The following CNTNAP2 variants were observed in gnomAD, a reference collection of about 807,000 sequenced individuals.
The protein encoded by CNTNAP2 is contactin associated protein 2.
In CNTNAP2, 98 loss-of-function variants were observed where a neutral mutation model predicts 155.2. The ratio of observed to expected loss-of-function variants is 0.63; its 90% CI spans 0.54 to 0.75. The LOEUF (loss-of-function observed/expected upper bound fraction) is 0.75, where lower values mean the gene tolerates loss of function less well. Among genes scored for constraint, CNTNAP2 ranks in the 30% least tolerant of loss-of-function variants. The pLI is 0.00. For missense variants in CNTNAP2, 1,727 were observed against 1,688.1 expected, an observed-to-expected ratio of 1.02 and a Z score of -0.40; for synonymous variants, 651 against 631.2, an observed-to-expected ratio of 1.03 and a Z score of -0.47.
rs143057439 is a variant in CNTNAP2 at position 147,796,913 on chromosome 7, T to C, written c.2099-106652T>C. On this transcript the variant is annotated intron_variant, in intron 13 of 23. Transcript: ENST00000361727. ...CCGTTTTTTTGTCTCATTCATTCTC[T>C]TTATTACCATTAACAAAGAGTGGGT... Among the ~76,000 whole-genome samples the C allele has an allele frequency of 4.7e-3, 719 of 152,330 alleles. 6 individuals carry two copies. Among genetic ancestry groups the C allele is most frequent in the African/African-American group, 0.016 (677 of 41,568 alleles).
intron 14 of CNTNAP2, among the ~76,000 whole-genome samples, chr7:147,977,503 T>C (rs534243718): frequency 2.0e-5 from 3 of 152,142 alleles, no homozygotes; most frequent in Non-Finnish European, 4.4e-5. Context: ...AGCGACCAGG[T>C]TGACTTTGTT....
At chr7:148,277,586 A>ACCCCCCCCCCCCCCCCCCCCCCCCCC (rs147409823) in intron 21 of CNTNAP2, among the ~76,000 whole-genome samples, 3 of 140,184 alleles carry the variant, frequency 2.1e-5, no homozygotes, top group Admixed American at 7.3e-5. Context: ...TTAGTACAGG[A>ACCCCCCCCCCCCCCCCCCCCCCCCCC]CCGCCCCCCA....
In CNTNAP2 at chr7:147,128,766, A is replaced by G; in HGVS notation, c.1013A>G (p.Glu338Gly). Reference sequence around the variant, plus strand: ...AGAAAGAATTTCAAAGGCTGCATGGAAAGCATCAACTACAATGGCGTCAAC... The same window carrying G: ...AGAAAGAATTTCAAAGGCTGCATGGGAAGCATCAACTACAATGGCGTCAAC... ...SSRKNFKGCM[E>G]SINYNGVNIT... is the part of the protein sequence containing the mutation. The change falls in exon 7 of 24, where the codon GAA becomes GGA. Residue 338 changes from glutamate (E) to glycine (G), a missense_variant. Transcript: ENST00000361727. The G allele has an allele frequency of 6.2e-7, 1 of 1,614,120 alleles. No homozygotes were observed. The highest frequency in any genetic ancestry group is 8.5e-7 in the Non-Finnish European group (1 of 1,179,968).
At chr7:147,341,769 T>TAC (rs35486619) in intron 9 of CNTNAP2, among the ~76,000 whole-genome samples, 1,893 of 147,396 alleles carry the variant, frequency 0.013, 15 homozygotes, top group East Asian at 0.03. Flanking sequence ...CACATACACA[T>TAC]ACACACACAC....
rs184984470 is a variant in CNTNAP2 at position 146,144,350 on chromosome 7, C to T, written c.97+27377C>T. 6.7e-3 allele frequency among the ~76,000 whole-genome samples: 1,017 copies of T among 152,170 alleles called. 5 individuals carry two copies. Among genetic ancestry groups the T allele is most frequent in the South Asian group, 0.022 (104 of 4,824 alleles). On this transcript the variant is annotated intron_variant, in intron 1 of 23. Transcript: ENST00000361727. ...TATTTTGGTTAGAGAGGGGCTTTCA[C>T]CACATTGCCCAGGCTGCTCTTGAAC... is the stretch of plus-strand genomic sequence containing the variant.
intron 13 of CNTNAP2, among the ~76,000 whole-genome samples, chr7:147,733,372 G>A (rs989452557): frequency 6.6e-6 from 1 of 152,076 alleles, no homozygotes; most frequent in Non-Finnish European, 1.5e-5. Flanking sequence ...TTGTTCCCTT[G>A]GTCTATATCT....
Position 146,940,848 on chromosome 7 carries a change from A to AAG in CNTNAP2, c.402+100958_402+100959dup, listed in dbSNP as rs150847947. Among the ~76,000 whole-genome samples, 25 of 151,004 alleles carry AAG rather than the reference A, an allele frequency of 1.7e-4. No individual in the cohort carries two copies. In the East Asian group the frequency reaches 3.9e-3, roughly 24 times the overall value. On this transcript the variant is annotated intron_variant, in intron 3 of 23. Transcript: ENST00000361727. ...ATACATATAGAGAGAAAGAGAGAGA[A>AAG]AGAGAGAGAGAGAGAATTGTTATAT...
At chr7:146,298,883 G>A (rs75039126) in intron 1 of CNTNAP2, among the ~76,000 whole-genome samples, 3,089 of 152,222 alleles carry the variant, frequency 0.02, 53 homozygotes, top group Middle Eastern at 0.071. Context: ...TTGAGTTTGC[G>A]TGCTAGCACC....
intron 1 of CNTNAP2, among the ~76,000 whole-genome samples, chr7:146,383,275 C>A (rs1374706918): frequency 6.6e-6 from 1 of 152,074 alleles, no homozygotes; most frequent in Non-Finnish European, 1.5e-5. Flanking sequence ...CAATCAATTT[C>A]AATCCAATTA....
At chr7:146,314,713 G>C (rs1563034401) in intron 1 of CNTNAP2, among the ~76,000 whole-genome samples, 1 of 152,246 alleles carries the variant, frequency 6.6e-6, no homozygotes, top group East Asian at 1.9e-4. Context: ...TGTAGAAACT[G>C]CCTCCAGGGA....
chr7:147,353,081 T>G (rs1795995502), intron 9 of CNTNAP2, among the ~76,000 whole-genome samples: 1 of 139,732 alleles, frequency 7.2e-6, no homozygotes, highest in African/African-American at 2.7e-5. Context: ...GTAGAATTCT[T>G]TATATATATA....
chr7:148,107,238 A>G (rs73472254), intron 15 of CNTNAP2, among the ~76,000 whole-genome samples: 3,345 of 152,312 alleles, frequency 0.022, 144 homozygotes, highest in African/African-American at 0.077. Context: ...CACAAGCCCC[A>G]GAACCTGGCT....
chr7:147,925,283 A>AGCGCGCGC (rs138137977), intron 14 of CNTNAP2, among the ~76,000 whole-genome samples: 1 of 90,696 alleles, frequency 1.1e-5, no homozygotes. Context: ...AACACACACA[A>AGCGCGCGC]GCGCGCGCGC....
At chr7:146,495,301 T>C (rs1175186717) in intron 1 of CNTNAP2, among the ~76,000 whole-genome samples, 1 of 152,166 alleles carries the variant, frequency 6.6e-6, no homozygotes, top group East Asian at 1.9e-4. Context: ...ATTACATATT[T>C]GTGTGTTTTC....
chr7:146,892,322 A>C (rs1795796028), intron 3 of CNTNAP2, among the ~76,000 whole-genome samples: 1 of 152,158 alleles, frequency 6.6e-6, no homozygotes, highest in Admixed American at 6.5e-5. Flanking sequence ...AAGTGAATGC[A>C]GCCAATCTTT....
chr7:147,145,909 T>C (rs73154376), intron 8 of CNTNAP2, among the ~76,000 whole-genome samples: 2,436 of 152,300 alleles, frequency 0.016, 28 homozygotes, highest in South Asian at 0.041. Context: ...TAAGGCATAT[T>C]TTGTTATTTG....
intron 1 of CNTNAP2, among the ~76,000 whole-genome samples, chr7:146,656,514 A>C (rs1799997802): frequency 6.6e-6 from 1 of 152,206 alleles, no homozygotes; most frequent in Non-Finnish European, 1.5e-5. Flanking sequence ...CTAAATGGCC[A>C]CTTGTAAGCA....
chr7:146,407,051 T>C (rs1795802133), intron 1 of CNTNAP2, among the ~76,000 whole-genome samples: 1 of 152,200 alleles, frequency 6.6e-6, no homozygotes, highest in African/African-American at 2.4e-5. Context: ...GGTGCTAAAA[T>C]AGTGCCTTGG....
rs141904397 is a variant in CNTNAP2, at chr7:146,574,770, G to T, written c.98-199501G>T. On this transcript the variant is annotated intron_variant, in intron 1 of 23. Coordinates refer to ENST00000361727, the MANE Select transcript of CNTNAP2 (RefSeq NM_014141.6). ...TTCTTATAAAATGTATGTGAAAACA[G>T]AATCTAATTTTGTCTCTCTTTTTCT... Among the ~76,000 whole-genome samples the T allele has an allele frequency of 7.1e-3, 1,082 of 152,206 alleles. 18 individuals are homozygous for T. The highest frequency in any genetic ancestry group is 0.025 in the African/African-American group (1,027 of 41,536).
Sources: gnomAD v4.1 joint callset for allele counts (sites outside exome capture counted in the v4.1 genomes callset) on GRCh38, gnomAD v4.1.1 for gene constraint, MANE v1.5 for transcripts, NCBI Gene and HGNC (gene_info 2026-07-23, HGNC 2026-07-21) for gene names.